Variants in BNC2 observed in about 807,000 individuals in gnomAD.
The protein encoded by BNC2 is basonuclin zinc finger protein 2.
Under a neutral mutation model 76.3 loss-of-function variants are expected in BNC2, and 20 were observed. That is an observed-to-expected ratio of 0.26 (90% CI 0.18 to 0.38). The LOEUF is 0.38. Among genes scored for constraint, BNC2 ranks in the 10% least tolerant of loss-of-function variants. The pLI is 1.00. For missense variants in BNC2, 1,382 were observed against 1,399.8 expected, an observed-to-expected ratio of 0.99 and a Z score of 0.20; for synonymous variants, 582 against 514.8, an observed-to-expected ratio of 1.13 and a Z score of -1.77.
intron 3 of BNC2, among the ~76,000 whole-genome samples, chr9:16,679,227 T>C (rs536451784): frequency 6.6e-6 from 1 of 152,204 alleles, no homozygotes; most frequent in African/African-American, 2.4e-5. Flanking sequence ...CACCTACACA[T>C]CCTCTCTACC....
chr9:16,495,563 A>G (rs542245695), intron 5 of BNC2, among the ~76,000 whole-genome samples: 28 of 152,344 alleles, frequency 1.8e-4, no homozygotes, highest in African/African-American at 5.8e-4. Flanking sequence ...TGCACTGCCC[A>G]AAGTGCCACC....
At chr9:16,536,948 T>A (rs1268706488) in intron 5 of BNC2, among the ~76,000 whole-genome samples, 1 of 152,114 alleles carries the variant, frequency 6.6e-6, no homozygotes. Context: ...ATTTAGTATA[T>A]TACTTTTATC....
chr9:16,679,166 C>T (rs1481342867), intron 3 of BNC2, among the ~76,000 whole-genome samples: 1 of 152,116 alleles, frequency 6.6e-6, no homozygotes, highest in East Asian at 1.9e-4. Flanking sequence ...AAAACACCTC[C>T]CACCCACCTC....
intron 1 of BNC2, among the ~76,000 whole-genome samples, chr9:16,865,103 T>C (rs1436666396): frequency 1.3e-5 from 2 of 150,870 alleles, no homozygotes; most frequent in Non-Finnish European, 2.9e-5. Context: ...TGTAAGGTCA[T>C]TATAAGAGAA....
chr9:16,774,110 T>C (rs1825900680), intron 1 of BNC2, among the ~76,000 whole-genome samples: 1 of 152,268 alleles, frequency 6.6e-6, no homozygotes, highest in African/African-American at 2.4e-5. Context: ...TCCTCCCAAG[T>C]AGGTGAGATT....
intron 3 of BNC2, among the ~76,000 whole-genome samples, chr9:16,589,137 C>T (rs2133142620): frequency 6.6e-6 from 1 of 152,190 alleles, no homozygotes; most frequent in South Asian, 2.1e-4. Context: ...GAGCTCCCTT[C>T]ATGGGTTCAT....
intron 3 of BNC2, among the ~76,000 whole-genome samples, chr9:16,609,134 G>A (rs1820467308): frequency 6.6e-6 from 1 of 152,126 alleles, no homozygotes; most frequent in South Asian, 2.1e-4. Flanking sequence ...AGAGAAAAGT[G>A]CACCCCAGGG....
intron 1 of BNC2, among the ~76,000 whole-genome samples, chr9:16,789,113 A>C (rs894022381): frequency 6.6e-6 from 1 of 152,208 alleles, no homozygotes; most frequent in Non-Finnish European, 1.5e-5. Context: ...TGCTAAAGGA[A>C]AGAGACAGAA....
Position 16,834,859 on chromosome 9 carries a change from CT to C in BNC2, c.3+35786del, listed in dbSNP as rs778430903. 2.2e-4 allele frequency among the ~76,000 whole-genome samples: 32 copies of C among 147,872 alleles called. No homozygotes were observed. In the East Asian group the frequency reaches 3.0e-3, roughly 14 times the overall value. On this transcript the variant is annotated intron_variant, in intron 1 of 6. Transcript: ENST00000380672. ...CCCCCATCTCCGCATATTAGTTTTG[CT>C]TTTTTTTTTAAGTGAGATGTTAATA...
chr9:16,681,910 C>T (rs1822832553), intron 3 of BNC2, among the ~76,000 whole-genome samples: 1 of 152,006 alleles, frequency 6.6e-6, no homozygotes, highest in East Asian at 1.9e-4. Flanking sequence ...AGATCTTAAC[C>T]TGAAAGAGGG....
chr9:16,664,859 C>T (rs1273934366), intron 3 of BNC2, among the ~76,000 whole-genome samples: 1 of 48,532 alleles, frequency 2.1e-5, no homozygotes, highest in Non-Finnish European at 4.4e-5. Flanking sequence ...CACCAGAATG[C>T]TTCACCTATA....
intron 5 of BNC2, among the ~76,000 whole-genome samples, chr9:16,488,703 A>T (rs1822214321): frequency 1.3e-5 from 2 of 152,180 alleles, no homozygotes; most frequent in South Asian, 4.1e-4. Flanking sequence ...GAAATATTTG[A>T]ATCTTAATCC....
chr9:16,457,997 A>C (rs1821491572), intron 5 of BNC2, among the ~76,000 whole-genome samples: 1 of 152,198 alleles, frequency 6.6e-6, no homozygotes, highest in Non-Finnish European at 1.5e-5. Context: ...TGCTCGATCC[A>C]GGAATGGGTG....
chr9:16,485,865 A>C (rs729330), intron 5 of BNC2, among the ~76,000 whole-genome samples: 16,707 of 152,162 alleles, frequency 0.11, 1,236 homozygotes, highest in African/African-American at 0.21. Flanking sequence ...ACCCTTCTCA[A>C]TCCCCCATTT....
chr9:16,826,056 G>C lies in BNC2; in HGVS notation c.3+44590C>G, dbSNP rs564094144. The stretch of plus-strand genomic sequence containing the variant: ...TGATGACGAGGGACACAAATCCCCT[G>C]ATGGAACTGAATGCATTCCAAGCTC... On this transcript the variant is annotated intron_variant, in intron 1 of 6. Transcript: ENST00000380672. Among the ~76,000 whole-genome samples, 6 of 152,222 alleles carry C rather than the reference G, an allele frequency of 3.9e-5. No individual in the cohort carries two copies. The East Asian group carries it at 1.2e-3, about 29-fold the overall frequency.
At chr9:16,598,150 T>C (rs779285135) in intron 3 of BNC2, among the ~76,000 whole-genome samples, 11 of 152,212 alleles carry the variant, frequency 7.2e-5, no homozygotes, top group Non-Finnish European at 1.5e-4. Context: ...AAATTTTTGG[T>C]TCCATAACAT....
intron 3 of BNC2, among the ~76,000 whole-genome samples, chr9:16,713,683 T>C (rs1823915189): frequency 6.6e-6 from 1 of 152,062 alleles, no homozygotes. Flanking sequence ...AATGGAAGGC[T>C]TTCCCCCGCC....
intron 1 of BNC2, among the ~76,000 whole-genome samples, chr9:16,785,282 T>A (rs761057069): frequency 6.6e-5 from 10 of 152,204 alleles, no homozygotes; most frequent in Non-Finnish European, 1.5e-4. Context: ...TGTTTAATAG[T>A]GTGGATGAAC....
chr9:16,833,116 G>A (rs1342910093), intron 1 of BNC2, among the ~76,000 whole-genome samples: 2 of 151,404 alleles, frequency 1.3e-5, no homozygotes, highest in Non-Finnish European at 2.9e-5. Context: ...AGAAGAATTA[G>A]AACAAAACCC....
Sources: allele counts gnomAD v4.1 joint callset (sites outside exome capture counted in the v4.1 genomes callset), GRCh38; gene constraint gnomAD v4.1.1; transcripts MANE v1.5; gene names NCBI Gene and HGNC (gene_info 2026-07-23, HGNC 2026-07-21).